Variants in HECW1 observed in about 807,000 individuals in gnomAD.
The protein encoded by HECW1 is HECT, C2 and WW domain containing E3 ubiquitin protein ligase 1, also known as E3 ubiquitin-protein ligase HECW1.
HECW1 carries 61 observed loss-of-function variants against 182.3 expected under a neutral mutation model. That is an observed-to-expected ratio of 0.33 (90% CI 0.27 to 0.41). The LOEUF is 0.41. Among genes scored for constraint, HECW1 ranks in the 10% least tolerant of loss-of-function variants. The probability of loss-of-function intolerance (pLI) is 1.00; values close to 1 mark genes in which losing one functional copy is unlikely to be tolerated. For synonymous variants in HECW1, 859 were observed against 832.6 expected (o/e 1.03, Z -0.55); for missense variants, 1,739 against 2,108.9 (o/e 0.82, Z 3.44).
chr7:43,469,202 T>C (rs1585004883), intron 16 of HECW1, 97 bp downstream of exon 16: 1 of 1,298,606 alleles, frequency 7.7e-7, no homozygotes, highest in South Asian at 1.3e-5. Context: ...GGAGGAGTTA[T>C]GTCTGAGAGA....
At chr7:43,468,377 G>A (rs1476659608) in intron 15 of HECW1, among the ~76,000 whole-genome samples, 1 of 152,174 alleles carries the variant, frequency 6.6e-6, no homozygotes, top group African/African-American at 2.4e-5. Flanking sequence ...GGGAGGCCAA[G>A]GAGAGCCAGG....
rs181542822 is a variant in HECW1 at position 43,450,189 on chromosome 7, T to G, written c.2399-639T>G. ...TCCGGAGCACCCTGGCTTGTCTGAT[T>G]TCTCCTCAAAATAATCTGGACAGTC... On this transcript the variant is annotated intron_variant, in intron 11 of 29. Coordinates refer to ENST00000395891, the MANE Select transcript of HECW1 (RefSeq NM_015052.5). Among the ~76,000 whole-genome samples the G allele has an allele frequency of 1.3e-3, 194 of 152,248 alleles. 1 individual carries two copies. The highest frequency in any genetic ancestry group is 4.2e-3 in the African/African-American group (173 of 41,526).
At chr7:43,236,271 A>T (rs966974214) in intron 2 of HECW1, among the ~76,000 whole-genome samples, 1 of 152,220 alleles carries the variant, frequency 6.6e-6, no homozygotes, top group Non-Finnish European at 1.5e-5. Context: ...AATCTATATC[A>T]TTATTTAAGT....
chr7:43,211,463 G>A (rs1179082049), intron 2 of HECW1, among the ~76,000 whole-genome samples: 4 of 150,796 alleles, frequency 2.7e-5, no homozygotes, highest in African/African-American at 9.8e-5. Context: ...AGTTAGGATT[G>A]ATCATCTCTG....
intron 2 of HECW1, among the ~76,000 whole-genome samples, chr7:43,174,923 T>G (rs982033502): frequency 6.6e-6 from 1 of 152,214 alleles, no homozygotes; most frequent in African/African-American, 2.4e-5. Context: ...TTTAAAATTT[T>G]ATTATATAAT....
intron 14 of HECW1, among the ~76,000 whole-genome samples, chr7:43,464,607 A>G (rs898061901): frequency 6.6e-6 from 1 of 152,204 alleles, no homozygotes; most frequent in African/African-American, 2.4e-5. Context: ...AAGAAGGCTT[A>G]GAGAACAGTC....
At chr7:43,426,658 T>G (rs575655336) in intron 8 of HECW1, among the ~76,000 whole-genome samples, 1 of 152,196 alleles carries the variant, frequency 6.6e-6, no homozygotes, top group Non-Finnish European at 1.5e-5. Flanking sequence ...TGTCCCTTTT[T>G]AAAAATTTTC....
intron 2 of HECW1, among the ~76,000 whole-genome samples, chr7:43,137,923 T>C (rs545292146): frequency 1.3e-5 from 2 of 151,436 alleles, no homozygotes; most frequent in South Asian, 2.1e-4. Context: ...AGATGTCATA[T>C]TATTCTGACC....
intron 2 of HECW1, among the ~76,000 whole-genome samples, chr7:43,129,863 C>G (rs1197492686): frequency 1.3e-5 from 2 of 152,166 alleles, no homozygotes; most frequent in Non-Finnish European, 2.9e-5. Flanking sequence ...TTCAAATCAT[C>G]TCAAGATTAC....
chr7:43,523,694 C>G (rs2080626438), intron 24 of HECW1, among the ~76,000 whole-genome samples: 2 of 152,018 alleles, frequency 1.3e-5, no homozygotes, highest in African/African-American at 4.8e-5. Context: ...AAATAAATGG[C>G]AAGTGTAGAT....
chr7:43,127,198 G>T (rs1786341615), intron 2 of HECW1, among the ~76,000 whole-genome samples: 1 of 152,132 alleles, frequency 6.6e-6, no homozygotes, highest in Non-Finnish European at 1.5e-5. Flanking sequence ...GAAATTAAAA[G>T]TGCTACTCCA....
intron 7 of HECW1, among the ~76,000 whole-genome samples, chr7:43,407,119 A>G (rs1449318357): frequency 1.3e-5 from 2 of 152,092 alleles, no homozygotes; most frequent in Non-Finnish European, 2.9e-5. Flanking sequence ...CCTCCCTGGC[A>G]GCAGGGTTTC....
rs895588281 is a variant in HECW1 at position 43,432,055 on chromosome 7, C to A, written c.802-5948C>A. Reference sequence around the variant, plus strand: ...ATCTTGGCCAGGCTTGTCTTGAACTCTTAACCTTGTGATCTACCCACCTCG... The same window carrying A: ...ATCTTGGCCAGGCTTGTCTTGAACTATTAACCTTGTGATCTACCCACCTCG... On this transcript the variant is annotated intron_variant, in intron 8 of 29. Transcript: ENST00000395891. The surrounding 1 kb of genome is among the most constrained non-coding windows in gnomAD (Gnocchi z 4.1). Among the ~76,000 whole-genome samples the A allele has an allele frequency of 1.3e-5, 2 of 152,064 alleles. No homozygotes were observed. The highest frequency in any genetic ancestry group is 4.8e-5 in the African/African-American group (2 of 41,396).
At chr7:43,360,135 G>T (rs962762970) in intron 5 of HECW1, among the ~76,000 whole-genome samples, 41 of 151,924 alleles carry the variant, frequency 2.7e-4, no homozygotes, top group African/African-American at 9.9e-4. Flanking sequence ...CTCACAGATT[G>T]TAAATAATGG....
chr7:43,401,837 T>G (rs1355709163), intron 7 of HECW1, among the ~76,000 whole-genome samples: 1 of 151,734 alleles, frequency 6.6e-6, no homozygotes, highest in African/African-American at 2.4e-5. Context: ...CGCACCCAAA[T>G]GTTGCATTTT....
At position 43,444,831 on chromosome 7, in the gene HECW1, C is replaced by T; in HGVS notation, c.1659C>T (p.Pro553=). Residue 553 remains proline (P), a synonymous_variant, in exon 11 of 30, where the codon CCC becomes CCT. Transcript: ENST00000395891. The surrounding 1 kb of genome is among the most constrained non-coding windows in gnomAD (Gnocchi z 4.3). Reference sequence around the variant, plus strand: ...TGATCGCGTCAGCCTGCGGGGACCCCGAGACCCCGCGGACACACTACATCC... The same window carrying T: ...TGATCGCGTCAGCCTGCGGGGACCCTGAGACCCCGCGGACACACTACATCC... The part of the protein sequence containing the change: ...ETVIASACGD[P]ETPRTHYIRI... 2.5e-6 allele frequency: 4 copies of T among 1,613,850 alleles called. No homozygotes were observed. The highest frequency in any genetic ancestry group is 3.4e-6 in the Non-Finnish European group (4 of 1,179,998).
At chr7:43,140,026 G>A (rs1413384388) in intron 2 of HECW1, among the ~76,000 whole-genome samples, 1 of 152,004 alleles carries the variant, frequency 6.6e-6, no homozygotes, top group Non-Finnish European at 1.5e-5. Context: ...TCTAATAAAG[G>A]TTATTTGCAA....
rs956635797 is a variant in HECW1, at chr7:43,564,107, C to T, written c.*2181C>T. On this transcript the variant is annotated 3_prime_UTR_variant, in exon 30 of 30. Coordinates refer to ENST00000395891, the MANE Select transcript of HECW1 (RefSeq NM_015052.5). ...TCAGCATCTGAAAAATAATGGATTC[C>T]AATGGAGCTATTGTTTTATTTATGA... The T allele has an allele frequency of 1.1e-5, 2 of 189,732 alleles. No individual in the cohort carries two copies. The highest frequency in any genetic ancestry group is 4.7e-5 in the African/African-American group (2 of 42,902). The allele number at this position is 189,732 out of a possible 1,614,324, so 11.8% of individuals were successfully genotyped here.
intron 3 of HECW1, among the ~76,000 whole-genome samples, chr7:43,268,840 T>C (rs1474097950): frequency 6.6e-6 from 1 of 152,194 alleles, no homozygotes; most frequent in Non-Finnish European, 1.5e-5. Context: ...AGTGTGATCA[T>C]GGCTCACTGC....
Sources: gnomAD v4.1 joint callset for allele counts (sites outside exome capture counted in the v4.1 genomes callset) on GRCh38, gnomAD v4.1.1 for gene constraint, Gnocchi (gnomAD v3.1) non-coding constraint, MANE v1.5 for transcripts, NCBI Gene and HGNC (gene_info 2026-07-23, HGNC 2026-07-21) for gene names.